The following MANSC1 variants were observed in gnomAD, a reference collection of about 807,000 sequenced individuals.
MANSC1 encodes the protein MANSC domain-containing protein 1.
A neutral mutation model predicts 14.1 loss-of-function variants in MANSC1; 13 were observed. The observed-to-expected ratio is 0.92, with a 90% confidence interval of 0.60 to 1.46. The LOEUF is 1.46. MANSC1 is among the 40% of genes most tolerant of loss of function. The pLI is 0.00. For missense variants in MANSC1, 486 were observed against 511.4 expected (o/e 0.95, Z 0.48); for synonymous variants, 227 against 200.7 (o/e 1.13, Z -1.11).
intron 2 of MANSC1, chr12:12,339,319 T>C (rs1862904039): frequency 6.6e-6 from 1 of 152,200 alleles, no homozygotes; most frequent in African/African-American, 2.4e-5. Flanking sequence ...GAAGTGCAAA[T>C]GCAGTGGCAT....
At position 12,350,095 on chromosome 12, in the gene MANSC1, C is replaced by G. The variant is rs1336909422; in HGVS notation, c.-118G>C. On this transcript the variant is annotated 5_prime_UTR_variant, in exon 1 of 4. Transcript: ENST00000535902. ...CCCTTTACCTGGCGTCGAGAGGACC[C>G]CGGCGCCCCTGCTGCCATCCAGGTG... The G allele has an allele frequency of 6.6e-6, 1 of 152,318 alleles. No individual in the cohort carries two copies. The highest frequency in any genetic ancestry group is 1.5e-5 in the Non-Finnish European group (1 of 68,130). The allele number at this position is 152,318 out of a possible 1,614,324, so 9.4% of individuals were successfully genotyped here. A position where few individuals can be genotyped will look rare whatever the true frequency, so the allele number is the denominator to read the frequency against.
intron 3 of MANSC1, among the ~76,000 whole-genome samples, chr12:12,334,113 G>T (rs1862827208): frequency 6.6e-6 from 1 of 151,932 alleles, no homozygotes; most frequent in African/African-American, 2.4e-5. Context: ...AATTAGCCTG[G>T]CATGGTGGTG....
At chr12:12,338,917 A>C (rs77417377) in intron 2 of MANSC1, 60 of 241,434 alleles carry the variant, frequency 2.5e-4, no homozygotes, top group East Asian at 1.3e-3. Flanking sequence ...ACACACACAC[A>C]CCCCTAAGAC....
intron 1 of MANSC1, among the ~76,000 whole-genome samples, chr12:12,344,680 A>G (rs1051216591): frequency 2.7e-5 from 4 of 150,112 alleles, no homozygotes; most frequent in African/African-American, 4.9e-5. Context: ...TGTGTTGGCC[A>G]GGATGATCTC....
chr12:12,346,199 A>C (rs1040933791), intron 1 of MANSC1, among the ~76,000 whole-genome samples: 2 of 130,322 alleles, frequency 1.5e-5, no homozygotes, highest in Non-Finnish European at 3.5e-5. Context: ...CATGAACCCC[A>C]GGCGGAGCTT....
chr12:12,341,967 G>A (rs868326764), intron 2 of MANSC1, among the ~76,000 whole-genome samples: 48 of 152,350 alleles, frequency 3.2e-4, no homozygotes, highest in African/African-American at 8.2e-4. Context: ...GCTCCGTCCG[G>A]CCTGGGCAAC....
chr12:12,346,319 A>G (rs1217221015), intron 1 of MANSC1, among the ~76,000 whole-genome samples: 1 of 152,214 alleles, frequency 6.6e-6, no homozygotes, highest in Non-Finnish European at 1.5e-5. Flanking sequence ...CAGATTAAAT[A>G]CAGTCTTAAT....
intron 3 of MANSC1, among the ~76,000 whole-genome samples, chr12:12,332,305 T>A (rs1292522959): frequency 6.6e-6 from 1 of 152,198 alleles, no homozygotes; most frequent in South Asian, 2.1e-4. Flanking sequence ...CTCAGTCTCC[T>A]CTTTCCTACA....
chr12:12,343,158 C>A lies in MANSC1; in HGVS notation c.157G>T (p.Glu53Ter). ...TCTTGAGTTGAAGTATATACGGGCT[C>A]ATTGCCTCTGATTCCCTTAGAAAGA... ...SSLSKGIRGN[E>*]PVYTSTQEDC... Residue 53 changes from glutamate to a stop codon, truncating the protein, a stop_gained, in exon 2 of 4, where the codon GAG becomes TAG. Transcript: ENST00000535902. LOFTEE classifies it high-confidence loss of function. The A allele has an allele frequency of 6.2e-7, 1 of 1,614,064 alleles. No individual in the cohort carries two copies.
Position 12,330,788 on chromosome 12 carries a change from A to G in MANSC1, c.535T>C (p.Ser179Pro). 6.2e-7 allele frequency: 1 copy of G among 1,614,154 alleles called. No homozygotes were observed. The highest frequency in any genetic ancestry group is 8.5e-7 in the Non-Finnish European group (1 of 1,180,030). ...TTAAATAGTTTCTCCAAGTGATCTG[A>G]GGATCCAAACTTCTGAGAAAGTGTG... ...RDTLSQKFGS[S>P]DHLEKLFKMD... The change falls in exon 4 of 4, where the codon TCA (serine) becomes CCA (proline). Residue 179 changes from serine to proline, a missense_variant. By Grantham distance (74) the Ser-to-Pro change is moderately conservative. Transcript: ENST00000535902.
chr12:12,347,950 C>T (rs2417091), intron 1 of MANSC1, among the ~76,000 whole-genome samples: 14,010 of 152,052 alleles, frequency 0.092, 1,493 homozygotes, highest in East Asian at 0.34. Flanking sequence ...GTAATCCCAG[C>T]TACTTGGGAG....
intron 2 of MANSC1, among the ~76,000 whole-genome samples, chr12:12,339,591 T>G (rs1375598274): frequency 6.6e-6 from 1 of 152,190 alleles, no homozygotes; most frequent in African/African-American, 2.4e-5. Context: ...TGAAAGCATC[T>G]CAGATGCCTA....
chr12:12,330,644 G>GGAGC lies in MANSC1; in HGVS notation c.675_678dup (p.Pro227AlafsTer112). 6.2e-7 allele frequency: 1 copy of GGAGC among 1,614,134 alleles called. No individual in the cohort carries two copies. Among genetic ancestry groups the GGAGC allele is most frequent in the Non-Finnish European group, 8.5e-7 (1 of 1,180,014 alleles). On this transcript the variant is annotated frameshift_variant, in exon 4 of 4. Transcript: ENST00000535902. LOFTEE classifies it low-confidence loss of function (END_TRUNC). ...GGAGAAGCAACTGCCACCGTAGCTGGGAGCGCACTCACATTTTCAGGCAGC... is the reference window on the plus strand; with the variant it reads ...GGAGAAGCAACTGCCACCGTAGCTGGGAGCGAGCGCACTCACATTTTCAGGCAGC...
At chr12:12,348,941 G>T (rs2136000611) in intron 1 of MANSC1, among the ~76,000 whole-genome samples, 1 of 152,270 alleles carries the variant, frequency 6.6e-6, no homozygotes. Context: ...AAAGTTGTGG[G>T]ACATAATATG....
Position 12,328,225 on chromosome 12 carries a change from A to C in MANSC1, c.*1802T>G, listed in dbSNP as rs1260239371. ...TTCTCAGAAATTTTAATTGGTAACC[A>C]GTAAAAATTGTAGCATCATGTTAGT... On this transcript the variant is annotated 3_prime_UTR_variant, in exon 4 of 4. Transcript: ENST00000535902. The C allele has an allele frequency of 6.6e-6, 1 of 152,172 alleles. No homozygotes were observed. The highest frequency in any genetic ancestry group is 2.4e-5 in the African/African-American group (1 of 41,434). 9.4% of individuals were successfully genotyped at this position (152,172 alleles called of 1,614,324 possible). A position where few individuals can be genotyped will look rare whatever the true frequency, so the allele number is the denominator to read the frequency against.
At chr12:12,347,597 C>T (rs1863025284) in intron 1 of MANSC1, among the ~76,000 whole-genome samples, 1 of 152,196 alleles carries the variant, frequency 6.6e-6, no homozygotes, top group African/African-American at 2.4e-5. Flanking sequence ...AAGATCTGAG[C>T]AGACACCTTA....
Position 12,350,199 on chromosome 12 carries a change from C to T in MANSC1, c.-222G>A, listed in dbSNP as rs534703374. ...CTCGGCGAGGACCGCAGCGGATGCT[C>T]CGCAGCTCCCGCACCGGCCTGGCGG... On this transcript the variant is annotated 5_prime_UTR_variant, in exon 1 of 4. Coordinates refer to ENST00000535902, the MANE Select transcript of MANSC1 (RefSeq NM_018050.4). 1.3e-5 allele frequency: 2 copies of T among 152,360 alleles called. No individual in the cohort carries two copies. The highest frequency in any genetic ancestry group is 3.9e-4 in the East Asian group (2 of 5,166). 9.4% of individuals were successfully genotyped at this position (152,360 alleles called of 1,614,324 possible). A position where few individuals can be genotyped will look rare whatever the true frequency, so the allele number is the denominator to read the frequency against.
intron 3 of MANSC1, among the ~76,000 whole-genome samples, chr12:12,337,729 G>A (rs1047175116): frequency 5.9e-5 from 9 of 152,056 alleles, no homozygotes; most frequent in Non-Finnish European, 1.0e-4. Context: ...AATTGATACT[G>A]AAACCACTTC....
chr12:12,336,190 A>G (rs1862857204), intron 3 of MANSC1, among the ~76,000 whole-genome samples: 1 of 152,180 alleles, frequency 6.6e-6, no homozygotes, highest in African/African-American at 2.4e-5. Context: ...ACAAGGTGTT[A>G]TGTGATCTGG....
Sources: allele counts gnomAD v4.1 joint callset (sites outside exome capture counted in the v4.1 genomes callset), GRCh38; gene constraint gnomAD v4.1.1; transcripts MANE v1.5; gene names NCBI Gene and HGNC (gene_info 2026-07-23, HGNC 2026-07-21).